The following SATL1 variants were observed in gnomAD, a reference collection of about 807,000 sequenced individuals.
SATL1 encodes the protein spermidine/spermine N1-acetyl transferase like 1.
A neutral mutation model predicts 51.8 loss-of-function variants in SATL1; 47 were observed. The observed-to-expected ratio is 0.91, with a 90% CI of 0.72 to 1.16. The LOEUF (loss-of-function observed/expected upper bound fraction) is 1.16, where lower values mean the gene tolerates loss of function less well. Among genes scored for constraint, SATL1 ranks in the 50% most tolerant of loss-of-function variants. The pLI is 0.00. For synonymous variants in SATL1, 176 were observed against 182.4 expected (o/e 0.97, Z 0.28); for missense variants, 520 against 526.4 (o/e 0.99, Z 0.12).
intron 2 of SATL1, among the ~76,000 whole-genome samples, chrX:85,135,190 G>T (rs973838504): frequency 1.8e-5 from 2 of 110,821 alleles, no homozygotes; most frequent in Admixed American, 1.9e-4. Flanking sequence ...GACGGGGGTA[G>T]GGAGAGCACC....
chrX:85,227,292 C>A, intron 1 of SATL1, among the ~76,000 whole-genome samples: 1 of 111,469 alleles, frequency 9.0e-6, no homozygotes, highest in Non-Finnish European at 1.9e-5. Flanking sequence ...TACCTGATAC[C>A]CTTACTTACT....
At chrX:85,205,453 G>C (rs1435829923) in intron 2 of SATL1, among the ~76,000 whole-genome samples, 1 of 111,922 alleles carries the variant, frequency 8.9e-6, no homozygotes, top group Non-Finnish European at 1.9e-5. Context: ...AATAAAACAG[G>C]ATGATGTAAT....
chrX:85,229,007 A>G (rs764042850), intron 1 of SATL1, among the ~76,000 whole-genome samples: 1 of 110,577 alleles, frequency 9.0e-6, no homozygotes, highest in East Asian at 2.8e-4. Flanking sequence ...GATGGCAGCA[A>G]CTCCATCCTT....
intron 2 of SATL1, among the ~76,000 whole-genome samples, chrX:85,134,074 G>T (rs1351287242): frequency 1.8e-5 from 2 of 111,477 alleles, no homozygotes; most frequent in Admixed American, 9.6e-5. Context: ...CAGAATTAAA[G>T]CTTCAAAAGC....
chrX:85,122,144 C>T (rs1245860185), intron 2 of SATL1, among the ~76,000 whole-genome samples: 1 of 110,562 alleles, frequency 9.0e-6, no homozygotes, highest in Non-Finnish European at 1.9e-5. Context: ...TCTTATTTAC[C>T]TCCCAACCCC....
chrX:85,180,270 C>G (rs1927172885), intron 2 of SATL1, among the ~76,000 whole-genome samples: 1 of 111,058 alleles, frequency 9.0e-6, no homozygotes, highest in South Asian at 3.8e-4. Flanking sequence ...TCCTTCCCTC[C>G]CCTGTTCACT....
At chrX:85,156,842 TATATATATATATATATATATATATATAA>T (rs1321519143) in intron 2 of SATL1, among the ~76,000 whole-genome samples, 7 of 28,078 alleles carry the variant, frequency 2.5e-4, no homozygotes, top group Non-Finnish European at 4.6e-4. Flanking sequence ...TATATATATA[TATATATATATATATATATATATATATAA>T]AATATGTAAA....
At chrX:85,151,243 G>A (rs1269649565) in intron 2 of SATL1, among the ~76,000 whole-genome samples, 1 of 110,176 alleles carries the variant, frequency 9.1e-6, no homozygotes, top group Non-Finnish European at 1.9e-5. Context: ...AAAATACCTA[G>A]GAATCCAACT....
At chrX:85,237,415 C>T (rs1460244613) in intron 1 of SATL1, among the ~76,000 whole-genome samples, 1 of 111,087 alleles carries the variant, frequency 9.0e-6, no homozygotes, top group Non-Finnish European at 1.9e-5. Flanking sequence ...AATCCACACA[C>T]CTACACTGAA....
At chrX:85,206,056 G>A (rs1351056512) in intron 2 of SATL1, among the ~76,000 whole-genome samples, 1 of 111,894 alleles carries the variant, frequency 8.9e-6, no homozygotes, top group Non-Finnish European at 1.9e-5. Flanking sequence ...GGGAGGCAGA[G>A]CAGGTTTGAG....
intron 1 of SATL1, among the ~76,000 whole-genome samples, chrX:85,241,456 G>GA (rs1045200915): frequency 9.0e-6 from 1 of 111,550 alleles, no homozygotes; most frequent in African/African-American, 3.3e-5. Context: ...AAATAAAATA[G>GA]AAAAAAATGA....
chrX:85,170,919 A>G (rs1271075211), intron 2 of SATL1, among the ~76,000 whole-genome samples: 3 of 111,582 alleles, frequency 2.7e-5, no homozygotes, highest in Non-Finnish European at 5.7e-5. Context: ...ATGCTTGAAC[A>G]CATGAATTAA....
intron 2 of SATL1, among the ~76,000 whole-genome samples, chrX:85,195,791 C>T (rs745800996): frequency 1.8e-5 from 2 of 109,026 alleles, no homozygotes; most frequent in East Asian, 5.7e-4. Flanking sequence ...AGCAAGACTC[C>T]GTCTTAAATA....
At chrX:85,132,106 T>C (rs1925822279) in intron 2 of SATL1, among the ~76,000 whole-genome samples, 1 of 111,237 alleles carries the variant, frequency 9.0e-6, no homozygotes, top group Non-Finnish European at 1.9e-5. Flanking sequence ...TCAACCTTGG[T>C]GTATCTGACA....
Position 85,100,979 on chromosome X carries a change from G to A in SATL1, c.1693+2885C>T, listed in dbSNP as rs185634182. On this transcript the variant is annotated intron_variant, in intron 4 of 7. Transcript: ENST00000644105. ...ACCGTCTTTTCAACAAACAGTACTA[G>A]GGAAACTGAATATCCATATGCAAAA... Among the ~76,000 whole-genome samples the A allele has an allele frequency of 2.7e-5, 3 of 111,884 alleles. No homozygotes were observed. The Admixed American group carries it at 2.9e-4, about 11-fold the overall frequency.
chrX:85,218,416 G>T (rs926316264), intron 2 of SATL1, among the ~76,000 whole-genome samples: 1 of 111,600 alleles, frequency 9.0e-6, no homozygotes, highest in African/African-American at 3.3e-5. Context: ...GAATAGAAAA[G>T]TAAATTTATG....
intron 2 of SATL1, among the ~76,000 whole-genome samples, chrX:85,157,224 T>C (rs1254258748): frequency 1.8e-5 from 2 of 110,227 alleles, no homozygotes; most frequent in African/African-American, 6.6e-5. Context: ...CTGAAACTCA[T>C]AAAAAGGTTA....
At chrX:85,174,347 A>G (rs1268575424) in intron 2 of SATL1, among the ~76,000 whole-genome samples, 1 of 106,546 alleles carries the variant, frequency 9.4e-6, no homozygotes, top group Non-Finnish European at 1.9e-5. Flanking sequence ...TTTGAGATGG[A>G]GTCTCACTCT....
intron 2 of SATL1, among the ~76,000 whole-genome samples, chrX:85,168,415 A>G (rs771348453): frequency 8.9e-6 from 1 of 112,068 alleles, no homozygotes; most frequent in East Asian, 2.8e-4. Context: ...AAGCTGATAA[A>G]CAACTTCAGC....
Sources: allele counts gnomAD v4.1 joint callset (sites outside exome capture counted in the v4.1 genomes callset), GRCh38; gene constraint gnomAD v4.1.1; transcripts MANE v1.5; gene names NCBI Gene and HGNC (gene_info 2026-07-23, HGNC 2026-07-21).